Variants in AOAH observed in about 807,000 individuals in gnomAD.
The protein encoded by AOAH is acyloxyacyl hydrolase (neutrophil).
A neutral mutation model predicts 92.2 loss-of-function variants in AOAH; 64 were observed. The ratio of observed to expected loss-of-function variants is 0.69; its 90% CI spans 0.57 to 0.86. The LOEUF (loss-of-function observed/expected upper bound fraction) is 0.86, where lower values mean the gene tolerates loss of function less well. Among genes scored for constraint, AOAH ranks in the 40% least tolerant of loss-of-function variants. AOAH has a pLI of 0.00. For missense variants in AOAH, 656 were observed against 694.6 expected (o/e 0.94, Z 0.62); for synonymous variants, 263 against 254.5 (o/e 1.03, Z -0.32).
chr7:36,623,383 T>C (rs965758113), intron 6 of AOAH, 133 bp from the exon 7 acceptor site: 14 of 758,894 alleles, frequency 1.8e-5, no homozygotes, highest in Admixed American at 2.7e-5. Context: ...AAACAGAAAA[T>C]TAAGATCCTG....
At chr7:36,606,809 A>G (rs1791040344) in intron 11 of AOAH, among the ~76,000 whole-genome samples, 1 of 152,206 alleles carries the variant, frequency 6.6e-6, no homozygotes, top group African/African-American at 2.4e-5. Context: ...TTTGCTCTTC[A>G]TCTTCCTTTG....
Position 36,607,415 on chromosome 7 carries a change from A to G in AOAH, c.846+8965T>C, listed in dbSNP as rs142745387. 5.3e-4 allele frequency among the ~76,000 whole-genome samples: 80 copies of G among 152,264 alleles called. No homozygotes were observed. In the Middle Eastern group the frequency reaches 0.014, roughly 26 times the overall value. On this transcript the variant is annotated intron_variant, in intron 11 of 20. Transcript: ENST00000617537. ...GATTTGTAAATGCATTCCTACCATC[A>G]GACCCCAAGGGAGACTCCTGCTGGT...
intron 19 of AOAH, among the ~76,000 whole-genome samples, chr7:36,527,392 T>TA (rs1784454285): frequency 6.6e-6 from 1 of 152,234 alleles, no homozygotes; most frequent in Admixed American, 6.5e-5. Context: ...CATGGGACTA[T>TA]CAGGACTGCA....
chr7:36,517,866 G>T (rs1783885969), intron 20 of AOAH, among the ~76,000 whole-genome samples: 1 of 151,678 alleles, frequency 6.6e-6, no homozygotes, highest in Non-Finnish European at 1.5e-5. Flanking sequence ...CACCCAAAGT[G>T]CTAGGATTAC....
At chr7:36,558,780 A>G (rs1471326914) in intron 13 of AOAH, among the ~76,000 whole-genome samples, 1 of 152,262 alleles carries the variant, frequency 6.6e-6, no homozygotes, top group African/African-American at 2.4e-5. Context: ...CCTCTGAGCC[A>G]TGTGCAGGAT....
At chr7:36,538,316 C>A (rs118170046) in intron 16 of AOAH, among the ~76,000 whole-genome samples, 3 of 152,008 alleles carry the variant, frequency 2.0e-5, no homozygotes, top group Non-Finnish European at 4.4e-5. Flanking sequence ...CATGAGCCAC[C>A]GTGCCTGGCC....
In AOAH at chr7:36,548,615, C is replaced by T. The variant is rs144889476; in HGVS notation, c.1130G>A (p.Ser377Asn). 196 of 1,613,364 alleles carry T rather than the reference C, an allele frequency of 1.2e-4. No individual in the cohort carries two copies. In the African/African-American group the frequency reaches 2.4e-3, roughly 20 times the overall value. The stretch of plus-strand genomic sequence containing the variant: ...ATACTTTTTCTCAATAACTCACCCA[C>T]TGCAGACATCATTTCCAATCATGGC... Reference protein sequence around the residue: ...IYAMIGNDVCSGKSDPVPAMT... With the variant: ...IYAMIGNDVCNGKSDPVPAMT... Residue 377 changes from serine (S) to asparagine (N), a missense_variant, in exon 15 of 21, where the codon AGT (serine) becomes AAT (asparagine). Transcript: ENST00000617537.
intron 14 of AOAH, 48 bp from the exon 15 acceptor site, chr7:36,548,734 G>A: frequency 6.5e-7 from 1 of 1,549,036 alleles, no homozygotes; most frequent in Admixed American, 1.7e-5. Context: ...TGGAAACCTA[G>A]CTTTGTAGCC....
chr7:36,596,773 C>T (rs76590941), intron 11 of AOAH, among the ~76,000 whole-genome samples: 4,237 of 152,216 alleles, frequency 0.028, 103 homozygotes, highest in Middle Eastern at 0.075. Context: ...AATCAATTTA[C>T]GTTGTTTTCA....
At chr7:36,589,377 A>G (rs1789583438) in intron 12 of AOAH, among the ~76,000 whole-genome samples, 1 of 152,202 alleles carries the variant, frequency 6.6e-6, no homozygotes, top group African/African-American at 2.4e-5. Context: ...ACTATACCAT[A>G]GGCTCTATAC....
intron 11 of AOAH, among the ~76,000 whole-genome samples, chr7:36,594,835 C>T (rs1483952643): frequency 2.6e-5 from 4 of 152,050 alleles, no homozygotes; most frequent in Non-Finnish European, 5.9e-5. Context: ...AAAAAAATGC[C>T]TTCCCTGGGT....
intron 20 of AOAH, 78 bp from the exon 21 acceptor site, chr7:36,513,458 T>C (rs1790160787): frequency 6.8e-7 from 1 of 1,474,090 alleles, no homozygotes; most frequent in Non-Finnish European, 9.3e-7. Context: ...CCACGTGCTT[T>C]CTGCCAGAGA....
chr7:36,536,666 C>T (rs190938738), intron 16 of AOAH, among the ~76,000 whole-genome samples: 2 of 152,130 alleles, frequency 1.3e-5, no homozygotes, highest in African/African-American at 2.4e-5. Context: ...CACGCCTTCT[C>T]AGCTGGGAAC....
chr7:36,641,900 A>G (rs1391071704), intron 4 of AOAH, among the ~76,000 whole-genome samples: 1 of 152,174 alleles, frequency 6.6e-6, no homozygotes, highest in Non-Finnish European at 1.5e-5. Flanking sequence ...GTCCTTGATC[A>G]TCAGAGCACA....
intron 1 of AOAH, among the ~76,000 whole-genome samples, chr7:36,689,849 T>C (rs977744737): frequency 5.9e-5 from 9 of 152,194 alleles, no homozygotes; most frequent in Non-Finnish European, 4.4e-5. Context: ...GATGCAAGAA[T>C]TGAAAACCAA....
At chr7:36,549,605 C>T (rs1227642590) in intron 13 of AOAH, 130 bp from the exon 14 acceptor site, 1 of 621,608 alleles carries the variant, frequency 1.6e-6, no homozygotes, top group African/African-American at 1.9e-5. Flanking sequence ...CTGACCAACA[C>T]ATTGATGGAA....
intron 8 of AOAH, 52 bp from the exon 9 acceptor site, chr7:36,620,881 G>A (rs765438028): frequency 6.5e-7 from 1 of 1,538,612 alleles, no homozygotes; most frequent in Admixed American, 1.7e-5. Context: ...TCTCTCAGTG[G>A]ATGTCAGTTT....
At chr7:36,553,635 T>C (rs1270329409) in intron 13 of AOAH, among the ~76,000 whole-genome samples, 4 of 152,184 alleles carry the variant, frequency 2.6e-5, no homozygotes, top group Middle Eastern at 3.4e-3. Context: ...TCTCCACATC[T>C]TCTCCAGCAC....
At chr7:36,633,124 T>A (rs1283185755) in intron 5 of AOAH, among the ~76,000 whole-genome samples, 1 of 151,992 alleles carries the variant, frequency 6.6e-6, no homozygotes, top group African/African-American at 2.4e-5. Context: ...GACCCTGCAG[T>A]GAGGTGGGAT....
Sources: allele counts gnomAD v4.1 joint callset (sites outside exome capture counted in the v4.1 genomes callset), GRCh38; gene constraint gnomAD v4.1.1; transcripts MANE v1.5; gene names NCBI Gene and HGNC (gene_info 2026-07-23, HGNC 2026-07-21).